The following PPP6R1 variants were observed in gnomAD, a reference collection of about 807,000 sequenced individuals.
PPP6R1 encodes serine/threonine-protein phosphatase 6 regulatory subunit 1.
Under a neutral mutation model 104.6 loss-of-function variants are expected in PPP6R1, and 39 were observed. The observed-to-expected ratio is 0.37, with a 90% CI of 0.29 to 0.49. The LOEUF is 0.49. PPP6R1 is among the 20% of genes least tolerant of loss of function. The pLI, the probability that PPP6R1 is intolerant of heterozygous loss-of-function variation, is 0.98. For synonymous variants in PPP6R1, 549 were observed against 479.0 expected (o/e 1.15, Z -1.91); for missense variants, 1,181 against 1,155.8 (o/e 1.02, Z -0.32).
chr19:55,254,429 C>T (rs970713167), intron 1 of PPP6R1, among the ~76,000 whole-genome samples: 2 of 152,310 alleles, frequency 1.3e-5, no homozygotes, highest in South Asian at 4.1e-4. Flanking sequence ...CACCAGCCAC[C>T]CCTCAAGGGC....
At chr19:55,231,058 G>C (rs1441040368) in intron 21 of PPP6R1, 174 bp from the exon 22 acceptor site, 1 of 635,862 alleles carries the variant, frequency 1.6e-6, no homozygotes, top group Non-Finnish European at 2.7e-6. Flanking sequence ...GCACAGCCCT[G>C]GACAGGAAGA....
At chr19:55,258,121 G>C (rs1348580528) in intron 1 of PPP6R1, among the ~76,000 whole-genome samples, 1 of 152,252 alleles carries the variant, frequency 6.6e-6, no homozygotes, top group Non-Finnish European at 1.5e-5. Context: ...ACCGGCCAGA[G>C]AGGCAAGAGA....
intron 1 of PPP6R1, among the ~76,000 whole-genome samples, chr19:55,250,540 C>T (rs983840363): frequency 6.6e-6 from 1 of 152,284 alleles, no homozygotes; most frequent in East Asian, 1.9e-4. Context: ...CCAGGCCCAC[C>T]CTGAAGGGAC....
rs148983226 is a variant in PPP6R1 at position 55,236,580 on chromosome 19, G to C, written c.1988+63C>G. The C allele has an allele frequency of 3.5e-6, 5 of 1,443,000 alleles. No individual in the cohort carries two copies. The East Asian group carries it at 1.2e-4, about 36-fold the overall frequency. 89.4% of individuals were successfully genotyped at this position (1,443,000 alleles called of 1,614,324 possible). On this transcript the variant is annotated intron_variant, in intron 17 of 23. Coordinates refer to ENST00000412770, the MANE Select transcript of PPP6R1 (RefSeq NM_014931.4). ...TTCAGCCTCAGTCCAAATGTGTTGG[G>C]GGGACCCCTTGGCCCTGCCGTGTGG...
chr19:55,236,977 G>A lies in PPP6R1; in HGVS notation c.1752-7C>T, dbSNP rs1477730828. On this transcript the variant is annotated splice_region_variant and splice_polypyrimidine_tract_variant and intron_variant, in intron 15 of 23. Coordinates refer to ENST00000412770, the MANE Select transcript of PPP6R1 (RefSeq NM_014931.4). Reference sequence around the variant, plus strand: ...TGTCTTGTCAAAAGGTGCGCTAGGAGAGAAGGCAAGGCATGGTGAGAAGGT... The same window carrying A: ...TGTCTTGTCAAAAGGTGCGCTAGGAAAGAAGGCAAGGCATGGTGAGAAGGT... The A allele has an allele frequency of 2.5e-6, 4 of 1,608,032 alleles. No homozygotes were observed. Among genetic ancestry groups the A allele is most frequent in the Non-Finnish European group, 3.4e-6 (4 of 1,174,606 alleles).
At position 55,241,765 on chromosome 19, in the gene PPP6R1, C is replaced by T; in HGVS notation, c.846-126G>A. ...GAGGAGCCACATGCCCCCAGCGCCG[C>T]TCTCTTCTGAGGCCCTTCAGACAAC... On this transcript the variant is annotated intron_variant, in intron 7 of 23. Coordinates refer to ENST00000412770, the MANE Select transcript of PPP6R1 (RefSeq NM_014931.4). The surrounding 1 kb of genome is among the most constrained non-coding windows in gnomAD (Gnocchi z 5.4). 2.5e-6 allele frequency: 3 copies of T among 1,220,538 alleles called. No individual in the cohort carries two copies. Among genetic ancestry groups the T allele is most frequent in the Non-Finnish European group, 3.4e-6 (3 of 895,074 alleles). 75.6% of individuals were successfully genotyped at this position (1,220,538 alleles called of 1,614,324 possible).
chr19:55,251,403 G>A (rs1050438503), intron 1 of PPP6R1, among the ~76,000 whole-genome samples: 1 of 152,132 alleles, frequency 6.6e-6, no homozygotes, highest in African/African-American at 2.4e-5. Flanking sequence ...GGAGGCTGCC[G>A]TACCTGTCAG....
downstream of PPP6R1, chr19:55,228,550 G>A: frequency 6.5e-7 from 1 of 1,531,502 alleles, no homozygotes; most frequent in South Asian, 1.2e-5. Context: ...GTACAGGCTG[G>A]ACCCATTCAG....
At position 55,232,003 on chromosome 19, in the gene PPP6R1, C is replaced by T. The variant is rs183474194; in HGVS notation, c.2126-21G>A. On this transcript the variant is annotated intron_variant, in intron 18 of 23. Transcript: ENST00000412770. ...GGGGCCTGGGATAGAGGTGGGGGAG[C>T]GGGATGGAGGGTGAACTCAGTAGCA... 5.0e-4 allele frequency: 799 copies of T among 1,604,018 alleles called. 7 individuals carry two copies. The African/African-American group carries it at 9.4e-3, about 19-fold the overall frequency.
rs887106594 is a variant in PPP6R1, at chr19:55,258,430, C to T, written c.-7+5G>A. On this transcript the variant is annotated splice_donor_5th_base_variant and intron_variant, in intron 1 of 23. Transcript: ENST00000412770. The stretch of plus-strand genomic sequence containing the variant: ...AGAGAGGGTCGGGCGACGCGGGCCG[C>T]TCACCTGCGAGGGGGGGCGGCGGCT... 8 of 151,302 alleles carry T rather than the reference C, an allele frequency of 5.3e-5. No homozygotes were observed. Among genetic ancestry groups the T allele is most frequent in the Non-Finnish European group, 1.0e-4 (7 of 67,596 alleles). 9.4% of individuals were successfully genotyped at this position (151,302 alleles called of 1,614,324 possible). A position where few individuals can be genotyped will look rare whatever the true frequency, so the allele number is the denominator to read the frequency against.
At position 55,241,618 on chromosome 19, in the gene PPP6R1, G is replaced by A; in HGVS notation, c.867C>T (p.Asn289=). Residue 289 remains asparagine (N), a synonymous_variant, in exon 8 of 24, where the codon AAC becomes AAT. Coordinates refer to ENST00000412770, the MANE Select transcript of PPP6R1 (RefSeq NM_014931.4). The surrounding 1 kb of genome is among the most constrained non-coding windows in gnomAD (Gnocchi z 5.4). ...RRPRSESVTV[N]SFFSSVDGQL... is the part of the protein sequence containing the mutation. ...GCCCATCCACACTGCTGAAGAAGCT[G>A]TTCACGGTCACGGACTCGGACCTGC... 2.5e-6 allele frequency: 4 copies of A among 1,584,264 alleles called. No homozygotes were observed. The highest frequency in any genetic ancestry group is 3.4e-6 in the Non-Finnish European group (4 of 1,166,700).
At position 55,231,805 on chromosome 19, in the gene PPP6R1, A is replaced by T; in HGVS notation, c.2303T>A (p.Leu768His). The T allele has an allele frequency of 6.7e-7, 1 of 1,500,354 alleles. No individual in the cohort carries two copies. The highest frequency in any genetic ancestry group is 2.3e-5 in the East Asian group (1 of 42,922). 92.9% of individuals were successfully genotyped at this position (1,500,354 alleles called of 1,614,324 possible). Residue 768 changes from leucine to histidine, a missense_variant, in exon 19 of 24, where the codon CTC becomes CAC. Physicochemically the swap from Leu to His is moderately conservative, Grantham distance 99. Around this residue, in one of 2 missense-constraint regions of PPP6R1, gnomAD observed 1,042 missense variants for 955.6 expected, o/e 1.09. Transcript: ENST00000412770. Reference protein sequence around the residue: ...ASPPARDALQLRSQDPTPPSA... With the variant: ...ASPPARDALQHRSQDPTPPSA... The stretch of plus-strand genomic sequence containing the variant: ...GCCCGTTCCATCCGGTTCTCACCTG[A>T]GCTGCAGGGCGTCACGGGCAGGAGG...
chr19:55,251,116 G>C (rs2087550146), intron 1 of PPP6R1, among the ~76,000 whole-genome samples: 3 of 152,186 alleles, frequency 2.0e-5, no homozygotes, highest in African/African-American at 4.8e-5. Context: ...CCTGGCTCAA[G>C]CAGCCCCCAG....
chr19:55,242,639 G>C, intron 5 of PPP6R1, 151 bp from the exon 6 acceptor site: 2 of 666,082 alleles, frequency 3.0e-6, no homozygotes, highest in South Asian at 1.7e-5. Context: ...GGGCACAGAG[G>C]CACCAACTGC....
chr19:55,258,644 G>A lies in PPP6R1; in HGVS notation c.-216C>T, dbSNP rs1371063828. ...CGCGCGCCGGGTCCTGCAGAGTTGA[G>A]GGGGTCAGCGCCGGGTGGAGTTGCC... On this transcript the variant is annotated 5_prime_UTR_variant, in exon 1 of 24. Transcript: ENST00000412770. 6.7e-6 allele frequency: 1 copy of A among 149,086 alleles called. No homozygotes were observed. The highest frequency in any genetic ancestry group is 2.6e-5 in the African/African-American group (1 of 38,992). 9.2% of individuals were successfully genotyped at this position (149,086 alleles called of 1,614,324 possible).
chr19:55,230,908 C>T (rs1600102037), intron 21 of PPP6R1, 24 bp from the exon 22 acceptor site: 1 of 1,562,760 alleles, frequency 6.4e-7, no homozygotes, highest in South Asian at 1.1e-5. Flanking sequence ...GCAGGTGCGG[C>T]TGTCAGCGTG....
chr19:55,243,112 C>A (rs2122640477), intron 5 of PPP6R1, among the ~76,000 whole-genome samples: 1 of 152,198 alleles, frequency 6.6e-6, no homozygotes, highest in African/African-American at 2.4e-5. Flanking sequence ...ATAATCCCAG[C>A]AGTCTGAAAG....
rs375341071 is a variant in PPP6R1, at chr19:55,245,463, C to T, written c.414+29G>A. 67 of 1,610,432 alleles carry T rather than the reference C, an allele frequency of 4.2e-5. No individual in the cohort carries two copies. Among genetic ancestry groups the T allele is most frequent in the Admixed American group, 2.5e-4 (15 of 59,558 alleles). On this transcript the variant is annotated intron_variant, in intron 3 of 23. Transcript: ENST00000412770. The surrounding 1 kb of genome is among the most constrained non-coding windows in gnomAD (Gnocchi z 6.4). ...GGCCCAGCCACCACCCCTCAACCCA[C>T]GGTGGCGCCAGGGTGGGGGCCAGGG...
At chr19:55,240,404 C>A in intron 10 of PPP6R1, 104 bp from the exon 11 acceptor site, 1 of 1,154,430 alleles carries the variant, frequency 8.7e-7, no homozygotes, top group Non-Finnish European at 1.2e-6. Flanking sequence ...CTTCACCAGG[C>A]CCCCGCTCAT....
Sources: allele counts gnomAD v4.1 joint callset (sites outside exome capture counted in the v4.1 genomes callset), GRCh38; gene constraint gnomAD v4.1.1; regional missense constraint gnomAD v4.1.1; non-coding constraint Gnocchi (gnomAD v3.1); transcripts MANE v1.5; gene names NCBI Gene and HGNC (gene_info 2026-07-23, HGNC 2026-07-21).